Variants in LHFPL7 observed in about 807,000 individuals in gnomAD.
LHFPL7 encodes LHFPL tetraspan subfamily member 7.
the LHFPL7 span, among the ~76,000 whole-genome samples, chr22:24,940,814 T>C: frequency 6.8e-6 from 1 of 146,958 alleles, no homozygotes; most frequent in Non-Finnish European, 1.5e-5. Flanking sequence ...AGAAAAAAGG[T>C]TGGAGTGCAG....
At chr22:24,946,681 G>A in the LHFPL7 span, 1 of 152,264 alleles carries the variant, frequency 6.6e-6, no homozygotes, top group Non-Finnish European at 1.5e-5. Flanking sequence ...GAATAATTTA[G>A]CTTGTAGAAC....
the LHFPL7 span, among the ~76,000 whole-genome samples, chr22:24,945,572 C>A: frequency 6.6e-6 from 1 of 152,216 alleles, no homozygotes; most frequent in African/African-American, 2.4e-5. Context: ...GCAGAAGGAA[C>A]ATGTTTACTA....
At chr22:24,939,236 T>G in the LHFPL7 span, 1 of 691,612 alleles carries the variant, frequency 1.4e-6, no homozygotes, top group Non-Finnish European at 2.6e-6. Context: ...ACTCAGGCAG[T>G]GAGGAAAGCC....
chr22:24,946,258 C>T, the LHFPL7 span, among the ~76,000 whole-genome samples: 9 of 151,618 alleles, frequency 5.9e-5, no homozygotes, highest in African/African-American at 2.2e-4. Flanking sequence ...TGCAGTGAGC[C>T]GAGATCACAC....
At chr22:24,941,555 A>C in the LHFPL7 span, among the ~76,000 whole-genome samples, 1 of 151,330 alleles carries the variant, frequency 6.6e-6, no homozygotes, top group East Asian at 1.9e-4. Context: ...GTCCATAGCA[A>C]GACTCTAGTG....
the LHFPL7 span, chr22:24,935,215 T>C: frequency 1.7e-5 from 23 of 1,359,658 alleles, no homozygotes; most frequent in South Asian, 3.1e-4. Context: ...TCCAGAGAGG[T>C]AAAGTGGCTT....
the LHFPL7 span, chr22:24,938,281 C>A: frequency 6.2e-7 from 1 of 1,613,326 alleles, no homozygotes; most frequent in Non-Finnish European, 8.5e-7. Flanking sequence ...AGCATCACAG[C>A]TGAGACCTGC....
chr22:24,945,823 T>C, the LHFPL7 span, among the ~76,000 whole-genome samples: 1 of 152,144 alleles, frequency 6.6e-6, no homozygotes, highest in Non-Finnish European at 1.5e-5. Flanking sequence ...AGGACTTTTA[T>C]CTCTTATCAC....
chr22:24,943,268 A>G, the LHFPL7 span, among the ~76,000 whole-genome samples: 1 of 152,152 alleles, frequency 6.6e-6, no homozygotes, highest in African/African-American at 2.4e-5. Flanking sequence ...CTCACCTTGA[A>G]AGGAGTTTTG....
the LHFPL7 span, among the ~76,000 whole-genome samples, chr22:24,938,452 G>A: frequency 1.2e-4 from 19 of 152,218 alleles, no homozygotes; most frequent in Admixed American, 1.3e-4. Context: ...CTGAGTCCTC[G>A]CAGCATGTGG....
At chr22:24,935,301 A>C in the LHFPL7 span, 2 of 1,596,040 alleles carry the variant, frequency 1.3e-6, no homozygotes, top group South Asian at 1.1e-5. Context: ...AAAACTCTGG[A>C]GTGTGCCCTT....
the LHFPL7 span, among the ~76,000 whole-genome samples, chr22:24,938,548 C>A: frequency 1.3e-5 from 2 of 152,208 alleles, no homozygotes; most frequent in African/African-American, 4.8e-5. Context: ...AAACTGAAGT[C>A]ATTTGCCTCA....
chr22:24,937,300 A>G, the LHFPL7 span, among the ~76,000 whole-genome samples: 6,497 of 152,258 alleles, frequency 0.043, 204 homozygotes, highest in Non-Finnish European at 0.068. Flanking sequence ...ATCTGGGGAA[A>G]GAGGAGTCCA....
the LHFPL7 span, chr22:24,938,419 C>T: frequency 1.3e-6 from 2 of 1,492,704 alleles, no homozygotes; most frequent in African/African-American, 2.8e-5. Flanking sequence ...CAGGTGGATG[C>T]TCCCCTGCTC....
At chr22:24,945,737 A>G in the LHFPL7 span, among the ~76,000 whole-genome samples, 1 of 152,212 alleles carries the variant, frequency 6.6e-6, no homozygotes, top group Non-Finnish European at 1.5e-5. Flanking sequence ...GCACAGAGGA[A>G]GGGCACCCAG....
At chr22:24,938,367 G>C in the LHFPL7 span, 2 of 1,608,086 alleles carry the variant, frequency 1.2e-6, no homozygotes, top group Non-Finnish European at 1.7e-6. Context: ...GCTGAGACCT[G>C]CAAGGAAGAG....
the LHFPL7 span, chr22:24,938,149 C>T: frequency 3.7e-6 from 6 of 1,613,770 alleles, no homozygotes; most frequent in Admixed American, 6.7e-5. Context: ...TTGGATTTAC[C>T]TGCCACTGCC....
At chr22:24,938,867 G>T in the LHFPL7 span, among the ~76,000 whole-genome samples, 68 of 152,296 alleles carry the variant, frequency 4.5e-4, no homozygotes, top group African/African-American at 1.6e-3. Flanking sequence ...AGGTAAGAGC[G>T]TGCAGGTTGT....
the LHFPL7 span, among the ~76,000 whole-genome samples, chr22:24,944,726 T>C: frequency 6.9e-6 from 1 of 145,506 alleles, no homozygotes; most frequent in African/African-American, 2.8e-5. Context: ...GGCTATTTAT[T>C]TATTTATTTA....
Sources: allele counts gnomAD v4.1 joint callset (sites outside exome capture counted in the v4.1 genomes callset), GRCh38; gene constraint gnomAD v4.1.1; transcripts MANE v1.5; gene names NCBI Gene and HGNC (gene_info 2026-07-23, HGNC 2026-07-21).